IGSF10: variants seen among roughly 807,000 people sequenced by gnomAD.
IGSF10 encodes calvaria mechanical force protein 608.
IGSF10 carries 126 observed loss-of-function variants against 128.2 expected under a neutral mutation model. That is an observed-to-expected ratio of 0.98 (90% CI 0.85 to 1.14). The LOEUF is 1.14. Among genes scored for constraint, IGSF10 ranks in the 50% most tolerant of loss-of-function variants. The pLI is 0.00. For synonymous variants in IGSF10, 1,185 were observed against 1,146.2 expected (o/e 1.03, Z -0.68); for missense variants, 3,295 against 3,149.8 (o/e 1.05, Z -1.10).
chr3:151,512,062 G>C, the IGSF10 span, among the ~76,000 whole-genome samples: 2 of 152,144 alleles, frequency 1.3e-5, no homozygotes, highest in Non-Finnish European at 2.9e-5. Flanking sequence ...CAACTAGACA[G>C]AAAGTTAACA....
At chr3:151,485,025 C>T in the IGSF10 span, among the ~76,000 whole-genome samples, 5 of 152,114 alleles carry the variant, frequency 3.3e-5, no homozygotes, top group African/African-American at 1.2e-4. Context: ...GGATCATGTT[C>T]TAACCCAATG....
chr3:151,463,296 A>G (rs1722131125), upstream of IGSF10, among the ~76,000 whole-genome samples: 3 of 152,098 alleles, frequency 2.0e-5, no homozygotes, highest in South Asian at 6.2e-4. Context: ...CTTAATAACA[A>G]TTCTAATATT....
At chr3:151,614,907 A>G in the IGSF10 span, among the ~76,000 whole-genome samples, 1 of 151,550 alleles carries the variant, frequency 6.6e-6, no homozygotes, top group African/African-American at 2.4e-5. Context: ...AAAAAAAAAA[A>G]GAAGCCTGTA....
the IGSF10 span, among the ~76,000 whole-genome samples, chr3:151,617,945 T>C: frequency 6.6e-6 from 1 of 152,160 alleles, no homozygotes; most frequent in Non-Finnish European, 1.5e-5. Flanking sequence ...GCATCCTGCA[T>C]CGAATAAATG....
At chr3:151,572,475 T>A in the IGSF10 span, among the ~76,000 whole-genome samples, 3 of 152,142 alleles carry the variant, frequency 2.0e-5, no homozygotes, top group Non-Finnish European at 2.9e-5. Context: ...AGGAATTTAT[T>A]CATTTCTTCT....
chr3:151,536,422 G>A, the IGSF10 span, among the ~76,000 whole-genome samples: 9 of 152,110 alleles, frequency 5.9e-5, no homozygotes, highest in African/African-American at 2.2e-4. Context: ...TTTGTTATTT[G>A]GGACCTACTT....
At position 151,443,774 on chromosome 3, in the gene IGSF10, C is replaced by A. The variant is rs779602494; in HGVS notation, c.5173G>T (p.Ala1725Ser). 6.2e-7 allele frequency: 1 copy of A among 1,614,108 alleles called. No homozygotes were observed. Among genetic ancestry groups the A allele is most frequent in the Non-Finnish European group, 8.5e-7 (1 of 1,180,032 alleles). Residue 1725 changes from alanine to serine, a missense_variant, in exon 7 of 8, where the codon GCA (alanine) becomes TCA (serine). Coordinates refer to ENST00000282466, the MANE Select transcript of IGSF10 (RefSeq NM_178822.5). ...TGGTCTGTGCCAAACAGATTGGATG[C>A]GGAACACAAGTACTGTCCGCGGTCC... ...IQDRGQYLCS[A>S]SNLFGTDHLH...
Position 151,453,460 on chromosome 3 carries a change from G to T in IGSF10, c.639C>A (p.Ser213Arg), listed in dbSNP as rs977007626. 1 of 1,613,848 alleles carries T rather than the reference G, an allele frequency of 6.2e-7. No homozygotes were observed. Among genetic ancestry groups the T allele is most frequent in the Non-Finnish European group, 8.5e-7 (1 of 1,179,900 alleles). Residue 213 changes from serine to arginine, a missense_variant, in exon 5 of 8, where the codon AGC (serine) becomes AGA (arginine). Ser to Arg is a moderately radical substitution (Grantham distance 110). Coordinates refer to ENST00000282466, the MANE Select transcript of IGSF10 (RefSeq NM_178822.5). ...TCCATGGGTTTCCATGCAGGTAAAGGCTGTCTAGGTCAGGCATATAGGAGA... is the reference window on the plus strand; with the variant it reads ...TCCATGGGTTTCCATGCAGGTAAAGTCTGTCTAGGTCAGGCATATAGGAGA... ...EMVSYMPDLD[S>R]LYLHGNPWTC...
At chr3:151,481,686 C>T in the IGSF10 span, among the ~76,000 whole-genome samples, 1 of 152,146 alleles carries the variant, frequency 6.6e-6, no homozygotes, top group Non-Finnish European at 1.5e-5. Flanking sequence ...AGTCCACAAA[C>T]CTGACTCCAC....
chr3:151,513,972 G>A, the IGSF10 span, among the ~76,000 whole-genome samples: 1 of 152,082 alleles, frequency 6.6e-6, no homozygotes, highest in Non-Finnish European at 1.5e-5. Flanking sequence ...AAATAAAAGA[G>A]GATACAAACA....
chr3:151,446,363 T>TAA lies in IGSF10; in HGVS notation c.3617_3618insTT (p.Gln1206HisfsTer6). On this transcript the variant is annotated frameshift_variant, in exon 6 of 8. Coordinates refer to ENST00000282466, the MANE Select transcript of IGSF10 (RefSeq NM_178822.5). LOFTEE classifies it high-confidence loss of function. Reference sequence around the variant, plus strand: ...GGTTATGGTTATTTACAAAGTTCTGTTGCCAGGGAATTTTCCTTCTTGAAA... The same window carrying TAA: ...GGTTATGGTTATTTACAAAGTTCTGTAATGCCAGGGAATTTTCCTTCTTGAAA... The TAA allele has an allele frequency of 6.2e-7, 1 of 1,613,288 alleles. No individual in the cohort carries two copies. The highest frequency in any genetic ancestry group is 8.5e-7 in the Non-Finnish European group (1 of 1,179,276).
the IGSF10 span, among the ~76,000 whole-genome samples, chr3:151,569,979 T>C: frequency 2.6e-5 from 4 of 151,062 alleles, no homozygotes; most frequent in African/African-American, 4.9e-5. Context: ...TGAGAACATG[T>C]GGTGTTTGGT....
the IGSF10 span, among the ~76,000 whole-genome samples, chr3:151,613,467 CA>C: frequency 1.3e-5 from 2 of 152,014 alleles, no homozygotes. Context: ...GTACTGGTAC[CA>C]AAACAGAGAT....
At position 151,443,004 on chromosome 3, in the gene IGSF10, A is replaced by G. The variant is rs1461795902; in HGVS notation, c.5943T>C (p.Ala1981=). 1 of 1,613,814 alleles carries G rather than the reference A, an allele frequency of 6.2e-7. No homozygotes were observed. Among genetic ancestry groups the G allele is most frequent in the African/African-American group, 1.3e-5 (1 of 74,940 alleles). Residue 1981 remains alanine (A), a synonymous_variant, in exon 7 of 8, where the codon GCT becomes GCC. Coordinates refer to ENST00000282466, the MANE Select transcript of IGSF10 (RefSeq NM_178822.5). The part of the protein sequence containing the change: ...PQIMWRLPSK[A]VVDQQHRVGS... ...CTTACCTATGCTGCTGGTCGACCAC[A>G]GCCTTGGATGGTAACCTCCACATTA...
At chr3:151,472,534 A>G in the IGSF10 span, among the ~76,000 whole-genome samples, 2 of 152,056 alleles carry the variant, frequency 1.3e-5, no homozygotes, top group Non-Finnish European at 2.9e-5. Flanking sequence ...TCATATTAAA[A>G]CTGCAGTTGG....
chr3:151,494,275 AAG>A, the IGSF10 span, among the ~76,000 whole-genome samples: 13 of 131,348 alleles, frequency 9.9e-5, no homozygotes, highest in Admixed American at 5.5e-4. Flanking sequence ...ATAAAGCAAA[AAG>A]AAGAAGAAAC....
chr3:151,565,017 C>G, the IGSF10 span, among the ~76,000 whole-genome samples: 1 of 152,278 alleles, frequency 6.6e-6, no homozygotes, highest in South Asian at 2.1e-4. Flanking sequence ...TGTGCAAGAT[C>G]ACCAGCTAAT....
At chr3:151,606,326 T>C in the IGSF10 span, among the ~76,000 whole-genome samples, 2 of 152,188 alleles carry the variant, frequency 1.3e-5, no homozygotes, top group Non-Finnish European at 2.9e-5. Context: ...TGATATAATA[T>C]AGGTCAAAGA....
chr3:151,564,809 G>A, the IGSF10 span, among the ~76,000 whole-genome samples: 1 of 150,730 alleles, frequency 6.6e-6, no homozygotes, highest in Non-Finnish European at 1.5e-5. Flanking sequence ...GGTACCCAAA[G>A]GTAAGCGTGC....
Sources: allele counts gnomAD v4.1 joint callset (sites outside exome capture counted in the v4.1 genomes callset), GRCh38; gene constraint gnomAD v4.1.1; transcripts MANE v1.5; gene names NCBI Gene and HGNC (gene_info 2026-07-23, HGNC 2026-07-21).